Variants in LTBP1 observed in about 807,000 individuals in gnomAD.
LTBP1 encodes latent transforming growth factor beta binding protein 1.
LTBP1 carries 129 observed loss-of-function variants against 207.6 expected under a neutral mutation model. The observed-to-expected ratio is 0.62, with a 90% CI of 0.54 to 0.72. The LOEUF is 0.72. Among genes scored for constraint, LTBP1 ranks in the 30% least tolerant of loss-of-function variants. The pLI is 0.00. For synonymous variants in LTBP1, 963 were observed against 833.7 expected, an observed-to-expected ratio of 1.16 and a Z score of -2.67; for missense variants, 2,281 against 2,217.2, an observed-to-expected ratio of 1.03 and a Z score of -0.58.
At chr2:33,033,115 T>A (rs1289905492) in intron 3 of LTBP1, among the ~76,000 whole-genome samples, 1 of 152,212 alleles carries the variant, frequency 6.6e-6, no homozygotes, top group Non-Finnish European at 1.5e-5. Context: ...GTTGAATATT[T>A]ACTGTGTGCC....
chr2:33,291,766 A>G (rs1437513076), intron 19 of LTBP1: 2 of 152,238 alleles, frequency 1.3e-5, no homozygotes, highest in African/African-American at 2.4e-5. Context: ...ATTTTAGTAC[A>G]ACTCCGTTTC....
At chr2:33,379,576 G>A (rs2095189175) in intron 31 of LTBP1, among the ~76,000 whole-genome samples, 1 of 152,180 alleles carries the variant, frequency 6.6e-6, no homozygotes, top group South Asian at 2.1e-4. Context: ...CACTGCCAGA[G>A]GCAGAAGTTG....
chr2:33,352,535 G>A (rs1198955816), intron 26 of LTBP1, among the ~76,000 whole-genome samples: 3 of 151,986 alleles, frequency 2.0e-5, no homozygotes, highest in Non-Finnish European at 4.4e-5. Context: ...TATCCTGCCA[G>A]TTCTACCTCC....
At chr2:33,155,254 T>C (rs7584658) in intron 5 of LTBP1, among the ~76,000 whole-genome samples, 9,799 of 152,114 alleles carry the variant, frequency 0.064, 1,056 homozygotes, top group African/African-American at 0.22. Context: ...TTAGAAGAGA[T>C]ACGGTTTCAC....
chr2:33,282,460 A>G (rs1454284701), intron 19 of LTBP1, among the ~76,000 whole-genome samples: 1 of 152,132 alleles, frequency 6.6e-6, no homozygotes, highest in Non-Finnish European at 1.5e-5. Flanking sequence ...AATTTTTTAT[A>G]GTAGTAGAGC....
At chr2:33,335,706 G>C (rs1442814911) in intron 24 of LTBP1, among the ~76,000 whole-genome samples, 1 of 152,068 alleles carries the variant, frequency 6.6e-6, no homozygotes, top group African/African-American at 2.4e-5. Context: ...AAATTCTTTT[G>C]GGCAGCTATT....
chr2:32,977,144 A>C (rs72867817), intron 2 of LTBP1, among the ~76,000 whole-genome samples: 1 of 152,086 alleles, frequency 6.6e-6, no homozygotes, highest in Non-Finnish European at 1.5e-5. Context: ...TCTAGCAGGC[A>C]TGGCCTGCCT....
rs77949096 is a variant in LTBP1 at position 33,271,124 on chromosome 2, A to G, written c.2618-2532A>G. ...TATTTGAAGACTTGTTCACACATAT[A>G]AAGAAGTTCCATTCTAAGGCTGTCC... On this transcript the variant is annotated intron_variant, in intron 15 of 33. Transcript: ENST00000404816. Among the ~76,000 whole-genome samples, 876 of 152,344 alleles carry G rather than the reference A, an allele frequency of 5.8e-3. 2 individuals are homozygous for G. The highest frequency in any genetic ancestry group is 0.01 in the Middle Eastern group (3 of 294).
At chr2:33,368,783 G>T (rs534527546) in intron 31 of LTBP1, among the ~76,000 whole-genome samples, 12 of 152,176 alleles carry the variant, frequency 7.9e-5, no homozygotes, top group Non-Finnish European at 1.3e-4. Context: ...AGGTTGAGGT[G>T]GGAGGATGGC....
intron 9 of LTBP1, among the ~76,000 whole-genome samples, chr2:33,223,732 T>A (rs2091267744): frequency 6.6e-6 from 1 of 152,154 alleles, no homozygotes. Flanking sequence ...ACTGTGCCCC[T>A]CAGACTGATT....
At chr2:33,103,585 A>ATGTGTGTGTGTGTGTGTGTG (rs1558640670) in intron 3 of LTBP1, among the ~76,000 whole-genome samples, 6 of 77,214 alleles carry the variant, frequency 7.8e-5, no homozygotes, top group African/African-American at 2.5e-4. Context: ...GTCTCCGTTT[A>ATGTGTGTGTGTGTGTGTGTG]CGTGTGTGTG....
At chr2:33,282,438 A>G (rs2093578433) in intron 19 of LTBP1, among the ~76,000 whole-genome samples, 1 of 152,042 alleles carries the variant, frequency 6.6e-6, no homozygotes, top group Non-Finnish European at 1.5e-5. Flanking sequence ...ACTGAAATAG[A>G]TTTTCCATCT....
At chr2:33,131,861 A>G (rs1161638008) in intron 4 of LTBP1, among the ~76,000 whole-genome samples, 2 of 152,336 alleles carry the variant, frequency 1.3e-5, no homozygotes, top group African/African-American at 4.8e-5. Context: ...TGGCAAAGAA[A>G]TATAAGAAGT....
chr2:33,219,618 A>G (rs773797021), intron 8 of LTBP1, among the ~76,000 whole-genome samples: 1 of 151,908 alleles, frequency 6.6e-6, no homozygotes, highest in Non-Finnish European at 1.5e-5. Flanking sequence ...TATATTTTCC[A>G]CTGTTTGGTC....
At chr2:33,073,967 C>T (rs1341633535) in intron 3 of LTBP1, among the ~76,000 whole-genome samples, 2 of 152,158 alleles carry the variant, frequency 1.3e-5, no homozygotes, top group East Asian at 3.8e-4. Flanking sequence ...AGATGTGAAA[C>T]TACTTGGCAA....
At chr2:32,976,845 T>C (rs1681866090) in intron 2 of LTBP1, among the ~76,000 whole-genome samples, 1 of 152,180 alleles carries the variant, frequency 6.6e-6, no homozygotes, top group Admixed American at 6.5e-5. Context: ...CCTGCTTGGG[T>C]ACAGCAAACA....
intron 5 of LTBP1, among the ~76,000 whole-genome samples, chr2:33,147,735 A>G (rs563431394): frequency 3.7e-4 from 57 of 152,316 alleles, no homozygotes; most frequent in Middle Eastern, 3.4e-3. Context: ...CATGATTGCC[A>G]TATGAAATGC....
chr2:33,239,433 G>A (rs1438018130), intron 9 of LTBP1, among the ~76,000 whole-genome samples: 7 of 152,086 alleles, frequency 4.6e-5, no homozygotes, highest in Non-Finnish European at 1.0e-4. Context: ...TGTATGCAGT[G>A]GTTATACCAC....
chr2:33,070,367 C>T (rs374231667), intron 3 of LTBP1, among the ~76,000 whole-genome samples: 181 of 152,292 alleles, frequency 1.2e-3, no homozygotes, highest in Admixed American at 3.5e-3. Context: ...GCGGCATGCC[C>T]GTCTGGGATG....
Sources: allele counts gnomAD v4.1 joint callset (sites outside exome capture counted in the v4.1 genomes callset), GRCh38; gene constraint gnomAD v4.1.1; transcripts MANE v1.5; gene names NCBI Gene and HGNC (gene_info 2026-07-23, HGNC 2026-07-21).